ZEB2: variants seen among roughly 807,000 people sequenced by gnomAD.
ZEB2 encodes zinc finger E-box binding homeobox 2, also known as zinc finger E-box-binding homeobox 2.
In ZEB2, 6 loss-of-function variants were observed where a neutral mutation model predicts 99.9. The observed-to-expected ratio is 0.06, with a 90% CI of 0.03 to 0.12. The LOEUF is 0.12. Ranked by LOEUF, ZEB2 falls within the 10% of genes least tolerant of loss-of-function variation. The pLI is 1.00. For missense variants in ZEB2, 969 were observed against 1,502.8 expected (o/e 0.64, Z 5.87); for synonymous variants, 517 against 542.5 (o/e 0.95, Z 0.65).
At chr2:144,450,921 G>A (rs904944991) in intron 2 of ZEB2, among the ~76,000 whole-genome samples, 1 of 152,084 alleles carries the variant, frequency 6.6e-6, no homozygotes, top group Admixed American at 6.6e-5. Context: ...CAGGTGATCC[G>A]CCTGCCTTGG....
intron 4 of ZEB2, among the ~76,000 whole-genome samples, chr2:144,408,071 G>C (rs1683144386): frequency 6.6e-6 from 1 of 152,166 alleles, no homozygotes; most frequent in Admixed American, 6.5e-5. Flanking sequence ...GTTTGGAGAG[G>C]TAATTCAATT....
chr2:144,459,421 C>T (rs930823741), intron 2 of ZEB2, among the ~76,000 whole-genome samples: 12 of 152,100 alleles, frequency 7.9e-5, no homozygotes, highest in African/African-American at 2.7e-4. Flanking sequence ...GGCCTCTTAG[C>T]CTGAAGTCAG....
chr2:144,519,347 G>T (rs1184072680), intron 1 of ZEB2: 1 of 151,190 alleles, frequency 6.6e-6, no homozygotes, highest in Non-Finnish European at 1.5e-5. Context: ...CACACACAAA[G>T]AATGAAATAA....
intron 9 of ZEB2, among the ~76,000 whole-genome samples, chr2:144,394,896 C>A (rs573084053): frequency 5.9e-5 from 9 of 151,330 alleles, no homozygotes; most frequent in Admixed American, 3.9e-4. Context: ...ATGATGAGTA[C>A]GAGTACTTCC....
At chr2:144,497,592 T>C (rs1704783136) in intron 2 of ZEB2, 1 of 163,172 alleles carries the variant, frequency 6.1e-6, no homozygotes, top group South Asian at 2.0e-4. Flanking sequence ...AAATGCGCAT[T>C]TTTCTTTCAT....
chr2:144,512,025 T>C (rs1163251974), intron 2 of ZEB2: 1 of 1,287,166 alleles, frequency 7.8e-7, no homozygotes, highest in Admixed American at 2.3e-5. Context: ...CAAAGAGCAA[T>C]CAAAAAGGTG....
At chr2:144,479,561 C>T (rs1704477972) in intron 2 of ZEB2, among the ~76,000 whole-genome samples, 1 of 151,836 alleles carries the variant, frequency 6.6e-6, no homozygotes, top group South Asian at 2.1e-4. Context: ...AATTATTCTC[C>T]TGCTGTAGCC....
At chr2:144,440,963 C>CT (rs1293994145) in intron 2 of ZEB2, among the ~76,000 whole-genome samples, 2 of 150,132 alleles carry the variant, frequency 1.3e-5, no homozygotes, top group African/African-American at 2.5e-5. Flanking sequence ...AGACTTTCCC[C>CT]TTTTTTTGCC....
intron 2 of ZEB2, among the ~76,000 whole-genome samples, chr2:144,434,557 A>G (rs907000422): frequency 6.6e-6 from 1 of 152,182 alleles, no homozygotes; most frequent in East Asian, 1.9e-4. Context: ...ACATGATAAT[A>G]CAAATTCCCA....
At chr2:144,412,492 T>C (rs1703478499) in intron 4 of ZEB2, among the ~76,000 whole-genome samples, 1 of 152,216 alleles carries the variant, frequency 6.6e-6, no homozygotes, top group African/African-American at 2.4e-5. Flanking sequence ...GGACAGTCAG[T>C]GATTTTCAAA....
At chr2:144,390,249 G>T (rs773098767) in intron 9 of ZEB2, among the ~76,000 whole-genome samples, 1 of 152,170 alleles carries the variant, frequency 6.6e-6, no homozygotes, top group Non-Finnish European at 1.5e-5. Context: ...TAAACAAGAA[G>T]AACTTAGAAA....
At chr2:144,401,679 C>A (rs1334976830) in intron 6 of ZEB2, among the ~76,000 whole-genome samples, 1 of 151,990 alleles carries the variant, frequency 6.6e-6, no homozygotes, top group African/African-American at 2.4e-5. Flanking sequence ...ACAATTCTGT[C>A]AAGAAAAAAA....
intron 2 of ZEB2, among the ~76,000 whole-genome samples, chr2:144,468,628 C>T (rs1361315798): frequency 1.3e-5 from 2 of 151,892 alleles, no homozygotes; most frequent in Non-Finnish European, 2.9e-5. Context: ...TGTGTGTGTG[C>T]ATGTGTGTGT....
intron 2 of ZEB2, among the ~76,000 whole-genome samples, chr2:144,498,735 T>C (rs756265014): frequency 6.6e-6 from 1 of 152,170 alleles, no homozygotes; most frequent in Non-Finnish European, 1.5e-5. Context: ...TTTTCATTTG[T>C]GTCCTAAAAA....
At chr2:144,471,526 T>C (rs1044367828) in intron 2 of ZEB2, among the ~76,000 whole-genome samples, 1 of 147,732 alleles carries the variant, frequency 6.8e-6, no homozygotes, top group African/African-American at 2.5e-5. Context: ...CTCTCTTTCT[T>C]TTTTTTTTTT....
intron 4 of ZEB2, among the ~76,000 whole-genome samples, chr2:144,416,814 T>C (rs910972973): frequency 6.6e-6 from 1 of 152,202 alleles, no homozygotes; most frequent in Admixed American, 6.5e-5. Context: ...ATTTGCAATT[T>C]CTTTAAGGCA....
Position 144,403,990 on chromosome 2 carries a change from G to A in ZEB2, c.733C>T (p.Leu245Phe). The change falls in exon 6 of 10, where the codon CTC becomes TTC. Residue 245 changes from leucine (L) to phenylalanine (F), a missense_variant. Transcript: ENST00000627532. ...EKNEENFSCP[L>F]CSYTFAYRTQ... The stretch of plus-strand genomic sequence containing the variant: ...CGGTAGGCAAACGTGTAGCTACAGA[G>A]AGGGCAGGAAAAGTTCTCTTCATTC... 2.5e-6 allele frequency: 4 copies of A among 1,614,142 alleles called. No individual in the cohort carries two copies. Among genetic ancestry groups the A allele is most frequent in the Non-Finnish European group, 3.4e-6 (4 of 1,180,034 alleles).
intron 6 of ZEB2, 99 bp from the exon 7 acceptor site, chr2:144,401,406 A>G: frequency 5.1e-6 from 6 of 1,178,276 alleles, no homozygotes; most frequent in Non-Finnish European, 7.6e-6. Context: ...AGACAGGCCA[A>G]AAGGTTTGAG....
At chr2:144,419,788 T>TA (rs1396465995) in intron 4 of ZEB2, among the ~76,000 whole-genome samples, 12 of 151,488 alleles carry the variant, frequency 7.9e-5, no homozygotes, top group Admixed American at 3.9e-4. Context: ...GTTCCTTTTT[T>TA]AAAAAAAAAT....
Sources: allele counts gnomAD v4.1 joint callset (sites outside exome capture counted in the v4.1 genomes callset), GRCh38; gene constraint gnomAD v4.1.1; transcripts MANE v1.5; gene names NCBI Gene and HGNC (gene_info 2026-07-23, HGNC 2026-07-21).